Variants in ZBTB17 observed in about 807,000 individuals in gnomAD.
ZBTB17 encodes zinc finger and BTB domain-containing protein 17.
ZBTB17 carries 24 observed loss-of-function variants against 85.1 expected under a neutral mutation model. That is an observed-to-expected ratio of 0.28 (90% CI 0.20 to 0.40). ZBTB17 has a LOEUF of 0.40. ZBTB17 is among the 10% of genes least tolerant of loss of function. The pLI is 1.00. For missense variants in ZBTB17, 743 were observed against 1,105.1 expected (o/e 0.67, Z 4.65); for synonymous variants, 464 against 460.2 (o/e 1.01, Z -0.11).
rs887911286 is a variant in ZBTB17 at position 15,976,041 on chromosome 1, G to A, written c.-148C>T. On this transcript the variant is annotated 5_prime_UTR_variant, in exon 1 of 16. Coordinates refer to ENST00000375743, the MANE Select transcript of ZBTB17 (RefSeq NM_003443.3). ...TGCATCACGGCCGCGAGAAGGCCGG[G>A]GACGGCACTCCAGAGCAGACAAAGG... 7 of 695,518 alleles carry A rather than the reference G, an allele frequency of 1.0e-5. No individual in the cohort carries two copies. Among genetic ancestry groups the A allele is most frequent in the South Asian group, 4.5e-5 (3 of 66,636 alleles). 43.1% of individuals were successfully genotyped at this position (695,518 alleles called of 1,614,324 possible). A position where few individuals can be genotyped will look rare whatever the true frequency, so the allele number is the denominator to read the frequency against.
intron 2 of ZBTB17, chr1:15,969,613 G>T: frequency 4.8e-6 from 2 of 420,400 alleles, no homozygotes; most frequent in South Asian, 3.5e-5. Context: ...GAGGGTGGGG[G>T]GAGCAGGGCA....
In ZBTB17 at chr1:15,945,132, G is replaced by A; in HGVS notation, c.732C>T (p.Gly244=). 1 of 1,600,972 alleles carries A rather than the reference G, an allele frequency of 6.2e-7. No homozygotes were observed. ...QKEQEEQEEE[G]AGPAEVKEEG... ...CCTCCTTGACCTCAGCTGGCCCTGC[G>A]CCCTCCTCCTCTTGCTCCTCTTGCT... Residue 244 remains glycine, a synonymous_variant, in exon 7 of 16, where the codon GGC becomes GGT. Transcript: ENST00000375743.
In ZBTB17 at chr1:15,947,015, A is replaced by G; in HGVS notation, c.314T>C (p.Ile105Thr). 6.2e-7 allele frequency: 1 copy of G among 1,614,064 alleles called. No homozygotes were observed. The highest frequency in any genetic ancestry group is 8.5e-7 in the Non-Finnish European group (1 of 1,180,010). The change falls in exon 4 of 16, where the codon ATC (isoleucine) becomes ACC (threonine). Residue 105 changes from isoleucine to threonine, a missense_variant. Ile to Thr is a moderately conservative substitution (Grantham distance 89). Around this residue, in one of 4 missense-constraint regions of ZBTB17, gnomAD observed 74 missense variants for 142.6 expected, o/e 0.52. Transcript: ENST00000375743. ...TGACTTGAGGGCATGGCAGGCCGTGATGATGTCCTGCATTTGGAGGAAAGT... is the reference window on the plus strand; with the variant it reads ...TGACTTGAGGGCATGGCAGGCCGTGGTGATGTCCTGCATTTGGAGGAAAGT... The part of the protein sequence containing the change: ...VATFLQMQDI[I>T]TACHALKSLA...
In ZBTB17 at chr1:15,942,187, G is replaced by C. The variant is rs1330721454; in HGVS notation, c.2194C>G (p.Leu732Val). The C allele has an allele frequency of 6.2e-7, 1 of 1,613,708 alleles. No homozygotes were observed. Among genetic ancestry groups the C allele is most frequent in the Admixed American group, 1.7e-5 (1 of 60,016 alleles). The change falls in exon 16 of 16, where the codon CTG becomes GTG. Residue 732 changes from leucine to valine, a missense_variant. Transcript: ENST00000375743. ...CGDKFLDANS[L>V]AQHVRIHTAQ... Reference sequence around the variant, plus strand: ...GTGTGGATTCGCACATGCTGAGCCAGGCTGTTGGCATCCAGAAACTTGTCC... The same window carrying C: ...GTGTGGATTCGCACATGCTGAGCCACGCTGTTGGCATCCAGAAACTTGTCC...
intron 2 of ZBTB17, among the ~76,000 whole-genome samples, chr1:15,957,791 G>A (rs945636538): frequency 2.6e-5 from 4 of 152,150 alleles, no homozygotes; most frequent in African/African-American, 9.6e-5. Context: ...GCAGATGTGC[G>A]TTGTGACAGA....
chr1:15,946,786 A>G, intron 4 of ZBTB17, 149 bp downstream of exon 4: 1 of 1,026,484 alleles, frequency 9.7e-7, no homozygotes, highest in East Asian at 2.6e-5. Flanking sequence ...CAGAGAGGCC[A>G]CCCTCAGACC....
chr1:15,971,293 TG>T (rs1263160816), intron 2 of ZBTB17, among the ~76,000 whole-genome samples: 1 of 150,374 alleles, frequency 6.7e-6, no homozygotes, highest in Non-Finnish European at 1.5e-5. Flanking sequence ...GGTAGGTGGG[TG>T]GGTGGGGGAA....
intron 2 of ZBTB17, among the ~76,000 whole-genome samples, chr1:15,963,944 C>CA (rs879787456): frequency 5.1e-4 from 70 of 138,252 alleles, no homozygotes; most frequent in East Asian, 6.2e-4. Flanking sequence ...CTGTCTTTAC[C>CA]AAAAAAAAAA....
At chr1:15,947,173 G>A (rs568578376) in intron 3 of ZBTB17, 50 bp from the exon 4 acceptor site, 19 of 1,546,228 alleles carry the variant, frequency 1.2e-5, no homozygotes, top group African/African-American at 1.1e-4. Flanking sequence ...ATCCGGCACC[G>A]GCAGCCTGCC....
chr1:15,949,802 C>T (rs910709494), intron 2 of ZBTB17, among the ~76,000 whole-genome samples: 1 of 152,218 alleles, frequency 6.6e-6, no homozygotes, highest in African/African-American at 2.4e-5. Flanking sequence ...CACAGGTCGG[C>T]CTTGAAGGGC....
chr1:15,948,264 A>G, intron 3 of ZBTB17, 27 bp downstream of exon 3: 1 of 1,613,296 alleles, frequency 6.2e-7, no homozygotes, highest in South Asian at 1.1e-5. Context: ...GCTATCAGCA[A>G]GCTCAGCCCC....
intron 4 of ZBTB17, among the ~76,000 whole-genome samples, 191 bp from the exon 5 acceptor site, chr1:15,946,485 T>G (rs951336314): frequency 1.2e-4 from 19 of 152,202 alleles, no homozygotes; most frequent in African/African-American, 4.6e-4. Context: ...GGCTGGGCAC[T>G]GGGAATACAA....
intron 13 of ZBTB17, 90 bp from the exon 14 acceptor site, chr1:15,942,828 C>A: frequency 6.7e-7 from 1 of 1,484,226 alleles, no homozygotes; most frequent in East Asian, 2.4e-5. Context: ...CCCAGCAACC[C>A]TGTCTTTTAC....
chr1:15,972,721 G>T (rs1425479193), intron 2 of ZBTB17, among the ~76,000 whole-genome samples: 1 of 152,200 alleles, frequency 6.6e-6, no homozygotes, highest in Non-Finnish European at 1.5e-5. Context: ...AACACAGCAA[G>T]CTGTGCTACC....
At chr1:15,950,826 C>T (rs938391440) in intron 2 of ZBTB17, among the ~76,000 whole-genome samples, 22 of 152,170 alleles carry the variant, frequency 1.4e-4, no homozygotes, top group Non-Finnish European at 2.6e-4. Flanking sequence ...CAGGATCAAT[C>T]CCCTTGTGTG....
At chr1:15,955,378 T>C (rs1045103667) in intron 2 of ZBTB17, among the ~76,000 whole-genome samples, 3 of 152,194 alleles carry the variant, frequency 2.0e-5, no homozygotes, top group Non-Finnish European at 2.9e-5. Flanking sequence ...TGTATTAAGA[T>C]TGGATTTCTC....
intron 6 of ZBTB17, 107 bp downstream of exon 6, chr1:15,945,608 G>T: frequency 6.7e-7 from 1 of 1,490,320 alleles, no homozygotes; most frequent in Non-Finnish European, 9.1e-7. Context: ...GTGACTCCAG[G>T]TGGGACTAGC....
intron 13 of ZBTB17, 150 bp from the exon 14 acceptor site, chr1:15,942,888 C>A (rs1390611919): frequency 7.6e-7 from 1 of 1,322,792 alleles, no homozygotes; most frequent in Non-Finnish European, 1.0e-6. Flanking sequence ...GTGACACTGG[C>A]ACCTCTGGAA....
rs1287556697 is a variant in ZBTB17 at position 15,973,030 on chromosome 1, C to A, written c.-3+9G>T. The A allele has an allele frequency of 6.6e-6, 1 of 152,198 alleles. No individual in the cohort carries two copies. The highest frequency in any genetic ancestry group is 6.5e-5 in the Admixed American group (1 of 15,280). The allele number at this position is 152,198 out of a possible 1,614,324, so 9.4% of individuals were successfully genotyped here. A position where few individuals can be genotyped will look rare whatever the true frequency, so the allele number is the denominator to read the frequency against. ...TGATTTGTTTCATCCTTGAGTATTA[C>A]AGACATACCTCAGATTTCCAGACAG... On this transcript the variant is annotated intron_variant, in intron 2 of 15. Transcript: ENST00000375743. This position sits in a 1 kb window ranked among gnomAD's most constrained non-coding sequence, Gnocchi z 4.1.
Sources: gnomAD v4.1 joint callset for allele counts (sites outside exome capture counted in the v4.1 genomes callset) on GRCh38, gnomAD v4.1.1 for gene constraint, gnomAD v4.1.1 regional missense constraint, Gnocchi (gnomAD v3.1) non-coding constraint, MANE v1.5 for transcripts, NCBI Gene and HGNC (gene_info 2026-07-23, HGNC 2026-07-21) for gene names.